LYPD6B: variants seen among roughly 807,000 people sequenced by gnomAD.
LYPD6B encodes LY6/PLAUR domain containing 6B.
A neutral mutation model predicts 22.8 loss-of-function variants in LYPD6B; 17 were observed. The observed-to-expected ratio is 0.75, with a 90% CI of 0.51 to 1.12. The LOEUF is 1.12. LYPD6B is among the 50% of genes most tolerant of loss of function. The pLI is 0.00. For missense variants in LYPD6B, 221 were observed against 258.3 expected, an observed-to-expected ratio of 0.86 and a Z score of 0.99; for synonymous variants, 106 against 91.6, an observed-to-expected ratio of 1.16 and a Z score of -0.90.
At chr2:149,208,448 C>T in intron 5 of LYPD6B, 36 bp downstream of exon 5, 3 of 1,474,308 alleles carry the variant, frequency 2.0e-6, no homozygotes, top group Non-Finnish European at 2.8e-6. Context: ...TCTGTGATCT[C>T]ATTTCATTTG....
At chr2:149,055,059 A>G (rs1683728364) in intron 1 of LYPD6B, among the ~76,000 whole-genome samples, 1 of 152,162 alleles carries the variant, frequency 6.6e-6, no homozygotes, top group Non-Finnish European at 1.5e-5. Flanking sequence ...ATTTTTAGTC[A>G]ATTCTGTATA....
At chr2:149,053,519 C>G (rs1301138041) in intron 1 of LYPD6B, among the ~76,000 whole-genome samples, 1 of 152,160 alleles carries the variant, frequency 6.6e-6, no homozygotes, top group East Asian at 1.9e-4. Flanking sequence ...CCAAGAAGTT[C>G]TATCACTGAA....
chr2:149,195,373 G>T (rs1271714717), intron 3 of LYPD6B, among the ~76,000 whole-genome samples: 1 of 152,204 alleles, frequency 6.6e-6, no homozygotes, highest in Admixed American at 6.5e-5. Flanking sequence ...TGGGAAGTAT[G>T]ACACACACTT....
intron 1 of LYPD6B, among the ~76,000 whole-genome samples, chr2:149,080,851 AAAAAAAAAAAAAAAAACCACAC>A: frequency 7.6e-6 from 1 of 132,172 alleles, no homozygotes. Context: ...CAAAAAAAAA[AAAAAAAAAAAAAAAAACCACAC>A]AAAAAAATTC....
chr2:149,090,182 G>A (rs1270641618), intron 1 of LYPD6B, among the ~76,000 whole-genome samples: 1 of 152,202 alleles, frequency 6.6e-6, no homozygotes, highest in Non-Finnish European at 1.5e-5. Context: ...GATAGCAGGT[G>A]ATATCCTTAA....
At chr2:149,063,374 T>C (rs11682788) in intron 1 of LYPD6B, among the ~76,000 whole-genome samples, 25,206 of 152,102 alleles carry the variant, frequency 0.17, 2,366 homozygotes, top group East Asian at 0.38. Context: ...AGCTACCATA[T>C]ACTTATATAC....
chr2:149,041,256 C>T (rs1310047433), intron 1 of LYPD6B, among the ~76,000 whole-genome samples: 1 of 152,162 alleles, frequency 6.6e-6, no homozygotes, highest in Non-Finnish European at 1.5e-5. Flanking sequence ...TTCGAAGTGG[C>T]CACAGCTCTT....
intron 3 of LYPD6B, among the ~76,000 whole-genome samples, chr2:149,162,710 T>C (rs944659699): frequency 6.6e-6 from 1 of 152,172 alleles, no homozygotes; most frequent in African/African-American, 2.4e-5. Context: ...TCATGAACAC[T>C]TTAGTGTATT....
chr2:149,122,489 A>G (rs1687431022), intron 1 of LYPD6B, among the ~76,000 whole-genome samples: 1 of 151,310 alleles, frequency 6.6e-6, no homozygotes, highest in Admixed American at 6.6e-5. Flanking sequence ...GTACATATGT[A>G]TACATGTTCC....
chr2:149,040,229 T>G (rs1169059069), intron 1 of LYPD6B, among the ~76,000 whole-genome samples: 6 of 151,012 alleles, frequency 4.0e-5, no homozygotes, highest in Non-Finnish European at 8.9e-5. Flanking sequence ...CTCTTTTTTT[T>G]TTTTTCTTTT....
At chr2:149,182,376 G>A (rs1691799579) in intron 3 of LYPD6B, among the ~76,000 whole-genome samples, 1 of 152,292 alleles carries the variant, frequency 6.6e-6, no homozygotes, top group African/African-American at 2.4e-5. Context: ...GTATAGATCT[G>A]TTTAATAGAA....
intron 1 of LYPD6B, among the ~76,000 whole-genome samples, chr2:149,081,141 C>G (rs1276717645): frequency 6.6e-6 from 1 of 152,154 alleles, no homozygotes; most frequent in South Asian, 2.1e-4. Context: ...TGTTTACTGA[C>G]TTCTTGAGAT....
chr2:149,201,649 T>C (rs1307135059), intron 3 of LYPD6B, among the ~76,000 whole-genome samples: 1 of 152,198 alleles, frequency 6.6e-6, no homozygotes, highest in Non-Finnish European at 1.5e-5. Flanking sequence ...AAGTGGTAGA[T>C]GGTAATAGAT....
intron 3 of LYPD6B, among the ~76,000 whole-genome samples, chr2:149,175,216 A>G (rs1288114707): frequency 6.6e-6 from 1 of 152,096 alleles, no homozygotes. Flanking sequence ...CTCCCATGCT[A>G]TATGTTATAG....
chr2:149,191,600 C>G (rs1300201555), intron 3 of LYPD6B, among the ~76,000 whole-genome samples: 1 of 152,174 alleles, frequency 6.6e-6, no homozygotes, highest in Non-Finnish European at 1.5e-5. Context: ...CAGAGTTTCA[C>G]TATTAGGACT....
chr2:149,124,225 A>G (rs1687551834), intron 1 of LYPD6B, among the ~76,000 whole-genome samples: 1 of 152,208 alleles, frequency 6.6e-6, no homozygotes, highest in African/African-American at 2.4e-5. Context: ...GCTTATAAAT[A>G]CAACACTTCT....
At chr2:149,053,891 T>G (rs1331794207) in intron 1 of LYPD6B, among the ~76,000 whole-genome samples, 2 of 152,222 alleles carry the variant, frequency 1.3e-5, no homozygotes, top group African/African-American at 4.8e-5. Context: ...CTTTCAAGGT[T>G]TGAGGTTCAT....
At chr2:149,068,051 C>T (rs992180938) in intron 1 of LYPD6B, among the ~76,000 whole-genome samples, 4 of 152,024 alleles carry the variant, frequency 2.6e-5, no homozygotes, top group African/African-American at 9.7e-5. Flanking sequence ...TTTTGTTTTT[C>T]GGGCTTCTTT....
intron 1 of LYPD6B, among the ~76,000 whole-genome samples, chr2:149,127,441 C>A (rs1687766702): frequency 6.6e-6 from 1 of 152,168 alleles, no homozygotes; most frequent in African/African-American, 2.4e-5. Context: ...TTGCCCAAGT[C>A]TCGGGTTCAG....
Sources: allele counts gnomAD v4.1 joint callset (sites outside exome capture counted in the v4.1 genomes callset), GRCh38; gene constraint gnomAD v4.1.1; transcripts MANE v1.5; gene names NCBI Gene and HGNC (gene_info 2026-07-23, HGNC 2026-07-21).